NRP1: variants seen among roughly 807,000 people sequenced by gnomAD.
The protein encoded by NRP1 is neuropilin-1.
A neutral mutation model predicts 106.7 loss-of-function variants in NRP1; 35 were observed. The observed-to-expected ratio is 0.33, with a 90% CI of 0.25 to 0.43. The LOEUF is 0.43. Ranked by LOEUF, NRP1 falls within the 20% of genes least tolerant of loss-of-function variation. The pLI is 1.00. For missense variants in NRP1, 1,024 were observed against 1,170.4 expected, an observed-to-expected ratio of 0.87 and a Z score of 1.83; for synonymous variants, 437 against 417.9, an observed-to-expected ratio of 1.05 and a Z score of -0.56.
intron 3 of NRP1, among the ~76,000 whole-genome samples, chr10:33,270,001 T>C (rs1281646265): frequency 6.6e-6 from 1 of 152,196 alleles, no homozygotes; most frequent in Non-Finnish European, 1.5e-5. Context: ...ATAAATGTAA[T>C]GCACTTGAAT....
At chr10:33,216,259 T>C (rs1380584339) in intron 8 of NRP1, among the ~76,000 whole-genome samples, 2 of 150,714 alleles carry the variant, frequency 1.3e-5, no homozygotes, top group African/African-American at 4.9e-5. Context: ...TGCCTCAGCC[T>C]CCCGAGTAGC....
chr10:33,198,822 C>T (rs143428439), intron 11 of NRP1, among the ~76,000 whole-genome samples: 2 of 152,124 alleles, frequency 1.3e-5, no homozygotes, highest in African/African-American at 4.8e-5. Context: ...AATACCCTGC[C>T]CTGTATGTGG....
chr10:33,232,226 G>A (rs567662250), intron 6 of NRP1, among the ~76,000 whole-genome samples: 16 of 152,168 alleles, frequency 1.1e-4, no homozygotes, highest in African/African-American at 2.2e-4. Flanking sequence ...AGGGTTCATC[G>A]TCCTAAACAA....
intron 5 of NRP1, among the ~76,000 whole-genome samples, chr10:33,255,076 G>A (rs1842109985): frequency 1.3e-5 from 2 of 152,254 alleles, no homozygotes; most frequent in South Asian, 4.2e-4. Context: ...AAAAGCTTTA[G>A]AGATTAAAGG....
In NRP1 at chr10:33,195,415, A is replaced by G. The variant is rs1209351173; in HGVS notation, c.1924+2235T>C. 1.3e-5 allele frequency: 6 copies of G among 466,644 alleles called. No individual in the cohort carries two copies. In the Admixed American group the frequency reaches 1.5e-4, roughly 12 times the overall value. The allele number at this position is 466,644 out of a possible 1,614,324, so 28.9% of individuals were successfully genotyped here. A position where few individuals can be genotyped will look rare whatever the true frequency, so the allele number is the denominator to read the frequency against. On this transcript the variant is annotated intron_variant, in intron 12 of 16. Transcript: ENST00000374867. Reference sequence around the variant, plus strand: ...TTTATGCATCTGATTACATAAAAGTATATAAATATTATATGCCCATGGAGT... The same window carrying G: ...TTTATGCATCTGATTACATAAAAGTGTATAAATATTATATGCCCATGGAGT...
intron 6 of NRP1, among the ~76,000 whole-genome samples, chr10:33,234,743 C>T (rs576692529): frequency 3.3e-5 from 5 of 152,244 alleles, no homozygotes; most frequent in African/African-American, 1.2e-4. Flanking sequence ...GAATTAATGC[C>T]TTTTTCCATA....
intron 6 of NRP1, among the ~76,000 whole-genome samples, chr10:33,235,820 A>G (rs933363740): frequency 1.3e-5 from 2 of 152,226 alleles, no homozygotes; most frequent in Non-Finnish European, 2.9e-5. Flanking sequence ...AGAATGGCTG[A>G]TTACATCTCT....
intron 6 of NRP1, among the ~76,000 whole-genome samples, chr10:33,235,894 T>C (rs190556827): frequency 6.6e-6 from 1 of 152,358 alleles, no homozygotes; most frequent in Admixed American, 6.5e-5. Flanking sequence ...TCTTTTCTCC[T>C]TTAAAATATT....
chr10:33,283,370 A>G (rs1844283431), intron 2 of NRP1, among the ~76,000 whole-genome samples: 1 of 152,140 alleles, frequency 6.6e-6, no homozygotes, highest in Admixed American at 6.5e-5. Flanking sequence ...TTGAAATTCT[A>G]TTAAGTCAGA....
intron 2 of NRP1, among the ~76,000 whole-genome samples, chr10:33,290,422 C>T (rs1306423995): frequency 3.3e-5 from 5 of 150,660 alleles, no homozygotes; most frequent in African/African-American, 1.2e-4. Flanking sequence ...TTAATCCAAA[C>T]CACAGGACAG....
chr10:33,281,844 G>C (rs1844157540), intron 2 of NRP1, among the ~76,000 whole-genome samples: 1 of 152,190 alleles, frequency 6.6e-6, no homozygotes, highest in East Asian at 1.9e-4. Flanking sequence ...CAAATACATA[G>C]AGAACCAAAT....
chr10:33,286,758 A>G (rs552609389), intron 2 of NRP1, among the ~76,000 whole-genome samples: 48 of 152,200 alleles, frequency 3.2e-4, no homozygotes, highest in African/African-American at 1.2e-3. Flanking sequence ...GAACATGACT[A>G]TTTTTATAGC....
chr10:33,318,486 T>C (rs1329049073), intron 2 of NRP1, among the ~76,000 whole-genome samples: 2 of 152,184 alleles, frequency 1.3e-5, no homozygotes, highest in East Asian at 3.9e-4. Context: ...CTAGAACAGC[T>C]GAAGAGGGAA....
chr10:33,193,033 T>A (rs569288095), intron 12 of NRP1, among the ~76,000 whole-genome samples: 1 of 152,260 alleles, frequency 6.6e-6, no homozygotes, highest in East Asian at 1.9e-4. Context: ...TCTGCTTTTT[T>A]AATTTCTAAA....
At chr10:33,271,171 T>C (rs1294439147) in intron 2 of NRP1, among the ~76,000 whole-genome samples, 3 of 152,230 alleles carry the variant, frequency 2.0e-5, no homozygotes, top group African/African-American at 7.2e-5. Context: ...CAATCCTCTA[T>C]TATTAAATTG....
intron 8 of NRP1, among the ~76,000 whole-genome samples, chr10:33,217,312 C>G (rs977052389): frequency 6.6e-6 from 1 of 151,974 alleles, no homozygotes; most frequent in Admixed American, 6.6e-5. Context: ...ATGCCCTGTC[C>G]CCATTTAGCC....
chr10:33,192,008 A>G (rs1297510969), intron 13 of NRP1, among the ~76,000 whole-genome samples: 1 of 150,158 alleles, frequency 6.7e-6, no homozygotes, highest in Admixed American at 6.6e-5. Context: ...AAAGGATAAG[A>G]TGAATGCTAA....
chr10:33,312,801 G>T (rs1052570332), intron 2 of NRP1, among the ~76,000 whole-genome samples: 6 of 150,778 alleles, frequency 4.0e-5, no homozygotes, highest in African/African-American at 1.2e-4. Context: ...TTCCTTTGTG[G>T]TTTTTTTTTC....
chr10:33,233,336 C>G (rs1018598429), intron 6 of NRP1, among the ~76,000 whole-genome samples: 2 of 152,160 alleles, frequency 1.3e-5, no homozygotes, highest in African/African-American at 4.8e-5. Flanking sequence ...CATCCACATG[C>G]ACCATATGGC....
Sources: allele counts gnomAD v4.1 joint callset (sites outside exome capture counted in the v4.1 genomes callset), GRCh38; gene constraint gnomAD v4.1.1; transcripts MANE v1.5; gene names NCBI Gene and HGNC (gene_info 2026-07-23, HGNC 2026-07-21).